Variants in IL1RAPL2 observed in about 807,000 individuals in gnomAD.
IL1RAPL2 encodes the protein interleukin 1 receptor accessory protein like 2.
In IL1RAPL2, 3 loss-of-function variants were observed where a neutral mutation model predicts 44.1. That is an observed-to-expected ratio of 0.07 (90% CI 0.03 to 0.18). IL1RAPL2 has a LOEUF of 0.18. Among genes scored for constraint, IL1RAPL2 ranks in the 10% least tolerant of loss-of-function variants. The pLI, the probability that IL1RAPL2 is intolerant of heterozygous loss-of-function variation, is 1.00. For missense variants in IL1RAPL2, 391 were observed against 496.4 expected, an observed-to-expected ratio of 0.79 and a Z score of 2.02; for synonymous variants, 181 against 178.8, an observed-to-expected ratio of 1.01 and a Z score of -0.10.
chrX:105,122,203 T>C (rs140166028), intron 2 of IL1RAPL2, among the ~76,000 whole-genome samples: 188 of 111,685 alleles, frequency 1.7e-3, no homozygotes, highest in African/African-American at 5.8e-3. Context: ...AATTGGTAAC[T>C]CTTGGAACCA....
intron 1 of IL1RAPL2, among the ~76,000 whole-genome samples, chrX:104,582,534 C>A (rs1289563541): frequency 9.6e-6 from 1 of 104,664 alleles, no homozygotes; most frequent in Non-Finnish European, 2.0e-5. Flanking sequence ...TTCTTTCCTT[C>A]TTTCCTTCCT....
rs774115987 is a variant in IL1RAPL2, at chrX:105,588,420, A to G, written c.772+104033A>G. Among the ~76,000 whole-genome samples, 3 of 111,954 alleles carry G rather than the reference A, an allele frequency of 2.7e-5. No individual in the cohort carries two copies. In the East Asian group the frequency reaches 8.4e-4, roughly 32 times the overall value. On this transcript the variant is annotated intron_variant, in intron 6 of 10. Coordinates refer to ENST00000372582, the MANE Select transcript of IL1RAPL2 (RefSeq NM_017416.2). ...ACTTTTATTTGAGGTTCAGGGATGGATGTGCAGGTTTGTTATCCAGGCAAA... is the reference window on the plus strand; with the variant it reads ...ACTTTTATTTGAGGTTCAGGGATGGGTGTGCAGGTTTGTTATCCAGGCAAA...
intron 2 of IL1RAPL2, among the ~76,000 whole-genome samples, chrX:104,972,645 A>C (rs967672479): frequency 5.4e-5 from 6 of 111,830 alleles, no homozygotes; most frequent in African/African-American, 2.0e-4. Context: ...GTTCCTACCC[A>C]CACTGGATTA....
At chrX:105,186,236 G>C (rs974534612) in intron 2 of IL1RAPL2, among the ~76,000 whole-genome samples, 1 of 110,821 alleles carries the variant, frequency 9.0e-6, no homozygotes, top group Admixed American at 9.7e-5. Context: ...GACCTCCTAA[G>C]TTTCTGATCT....
intron 5 of IL1RAPL2, among the ~76,000 whole-genome samples, chrX:105,472,347 C>G (rs944798824): frequency 9.0e-6 from 1 of 111,543 alleles, no homozygotes. Flanking sequence ...CAAAGCTCCA[C>G]AGTTAACTGG....
At chrX:104,654,605 G>A (rs1318085953) in intron 1 of IL1RAPL2, among the ~76,000 whole-genome samples, 1 of 111,512 alleles carries the variant, frequency 9.0e-6, no homozygotes, top group Non-Finnish European at 1.9e-5. Context: ...ATTAGGTACA[G>A]TGGTACCTCC....
chrX:105,380,826 C>A (rs1387145380), intron 5 of IL1RAPL2, among the ~76,000 whole-genome samples: 1 of 111,418 alleles, frequency 9.0e-6, no homozygotes, highest in Non-Finnish European at 1.9e-5. Flanking sequence ...AGATCAATAT[C>A]TCTTCCTCTG....
intron 2 of IL1RAPL2, among the ~76,000 whole-genome samples, chrX:104,677,604 T>G (rs1930799512): frequency 8.9e-6 from 1 of 112,702 alleles, no homozygotes; most frequent in South Asian, 3.6e-4. Flanking sequence ...GCAGGCCTCC[T>G]TGTGCTGTGG....
intron 2 of IL1RAPL2, among the ~76,000 whole-genome samples, chrX:105,115,334 G>A (rs1019643048): frequency 3.6e-5 from 4 of 111,598 alleles, no homozygotes; most frequent in African/African-American, 1.3e-4. Flanking sequence ...ACCAGAACCG[G>A]TTGCCACTGC....
rs1418063471 is a variant in IL1RAPL2 at position 104,676,566 on chromosome X, C to CA, written c.82+17573dup. 1.4e-3 allele frequency among the ~76,000 whole-genome samples: 154 copies of CA among 111,616 alleles called. 1 individual carries two copies. Among genetic ancestry groups the CA allele is most frequent in the African/African-American group, 4.6e-3 (142 of 30,708 alleles). ...TTCATTTCAACTTTGGTGAATCTGA[C>CA]AATTATGTGTCTTGGAGTTTATCTT... On this transcript the variant is annotated intron_variant, in intron 2 of 10. Coordinates refer to ENST00000372582, the MANE Select transcript of IL1RAPL2 (RefSeq NM_017416.2).
chrX:105,201,448 A>G (rs2033717159), intron 3 of IL1RAPL2, among the ~76,000 whole-genome samples: 1 of 112,340 alleles, frequency 8.9e-6, no homozygotes, highest in Non-Finnish European at 1.9e-5. Context: ...GTAAGTATAC[A>G]GTAATTTTAC....
At chrX:105,322,905 A>G (rs2034907009) in intron 5 of IL1RAPL2, among the ~76,000 whole-genome samples, 1 of 111,976 alleles carries the variant, frequency 8.9e-6, no homozygotes, top group South Asian at 3.8e-4. Flanking sequence ...ATTGGAGGCC[A>G]TCTTAAAATT....
intron 6 of IL1RAPL2, among the ~76,000 whole-genome samples, chrX:105,568,215 T>C (rs967217221): frequency 1.8e-5 from 2 of 111,014 alleles, no homozygotes; most frequent in African/African-American, 6.5e-5. Flanking sequence ...GAAAGAACAG[T>C]CTTGCTCAAA....
Position 105,406,745 on chromosome X carries a change from T to C in IL1RAPL2, c.698-77568T>C, listed in dbSNP as rs1294140401. ...TGTTCTAATGCAGAAGGAGCATCCC[T>C]GAAACTGTGTAATTTTGAGGATCCT... On this transcript the variant is annotated intron_variant, in intron 5 of 10. Transcript: ENST00000372582. The C allele has an allele frequency of 1.9e-5, 23 of 1,199,029 alleles. No individual in the cohort carries two copies. The Middle Eastern group carries it at 1.6e-3, about 84-fold the overall frequency.
intron 4 of IL1RAPL2, among the ~76,000 whole-genome samples, chrX:105,265,215 G>A (rs2034392877): frequency 8.9e-6 from 1 of 112,127 alleles, no homozygotes; most frequent in Non-Finnish European, 1.9e-5. Context: ...CACCACTGTT[G>A]TGTGAAAGCG....
chrX:105,219,014 C>T, intron 3 of IL1RAPL2: 17 of 1,211,346 alleles, frequency 1.4e-5, no homozygotes, highest in Non-Finnish European at 1.8e-5. Flanking sequence ...AAGCAAGTAT[C>T]CCTCCGTGAA....
intron 4 of IL1RAPL2, among the ~76,000 whole-genome samples, chrX:105,251,844 A>G (rs2034271589): frequency 9.0e-6 from 1 of 111,187 alleles, no homozygotes; most frequent in Non-Finnish European, 1.9e-5. Context: ...GAGATTTGCT[A>G]CAACTATAGA....
At chrX:105,352,088 A>G (rs1291520781) in intron 5 of IL1RAPL2, among the ~76,000 whole-genome samples, 2 of 104,649 alleles carry the variant, frequency 1.9e-5, no homozygotes, top group African/African-American at 8.2e-5. Context: ...ACATCCAGCT[A>G]ATTTAAAAAA....
At chrX:105,666,067 A>T in intron 6 of IL1RAPL2, among the ~76,000 whole-genome samples, 1 of 89,241 alleles carries the variant, frequency 1.1e-5, no homozygotes. Flanking sequence ...CGGCCGTAAT[A>T]GTTTTTAAAA....
Sources: gnomAD v4.1 joint callset for allele counts (sites outside exome capture counted in the v4.1 genomes callset) on GRCh38, gnomAD v4.1.1 for gene constraint, MANE v1.5 for transcripts, NCBI Gene and HGNC (gene_info 2026-07-23, HGNC 2026-07-21) for gene names.